The following BID variants were observed in gnomAD, a reference collection of about 807,000 sequenced individuals.
BID encodes the protein BH3 interacting domain death agonist.
A neutral mutation model predicts 17.4 loss-of-function variants in BID; 19 were observed. The ratio of observed to expected loss-of-function variants is 1.09; its 90% CI spans 0.76 to 1.60. The LOEUF is 1.60. Ranked by LOEUF, BID falls within the 40% of genes most tolerant of loss-of-function variation. The pLI is 0.00. For synonymous variants in BID, 108 were observed against 102.8 expected, an observed-to-expected ratio of 1.05 and a Z score of -0.31; for missense variants, 226 against 256.0, an observed-to-expected ratio of 0.88 and a Z score of 0.80.
chr22:17,757,402 CAAAAAAA>C (rs34545330), intron 1 of BID, among the ~76,000 whole-genome samples: 15 of 61,030 alleles, frequency 2.5e-4, no homozygotes, highest in African/African-American at 3.0e-4. Flanking sequence ...GACCCTGTCC[CAAAAAAA>C]AAAAAAAAAA....
chr22:17,754,230 T>TTCCCCCAGTCTCCAGGACTCTGCCGGAG (rs2061564879), intron 1 of BID, among the ~76,000 whole-genome samples: 2 of 145,748 alleles, frequency 1.4e-5, no homozygotes, highest in African/African-American at 5.1e-5. Flanking sequence ...CTCTGCCGGA[T>TTCCCCCAGTCTCCAGGACTCTGCCGGAG]GGGGGTGACA....
intron 1 of BID, among the ~76,000 whole-genome samples, chr22:17,750,696 C>G (rs905192594): frequency 2.0e-5 from 3 of 151,868 alleles, no homozygotes; most frequent in Non-Finnish European, 4.4e-5. Flanking sequence ...GGCGTGGTGG[C>G]GGGCGCCTGT....
chr22:17,756,952 A>C (rs1454379809), intron 1 of BID, among the ~76,000 whole-genome samples: 1 of 102,302 alleles, frequency 9.8e-6, no homozygotes, highest in Admixed American at 9.2e-5. Flanking sequence ...AGTTCAATTT[A>C]ACTAAGCCTC....
Position 17,734,851 on chromosome 22 carries a change from T to C in BID, c.*729A>G, listed in dbSNP as rs1555902074. The C allele has an allele frequency of 6.6e-6, 1 of 152,244 alleles. No individual in the cohort carries two copies. The highest frequency in any genetic ancestry group is 1.5e-5 in the Non-Finnish European group (1 of 68,048). 9.4% of individuals were successfully genotyped at this position (152,244 alleles called of 1,614,324 possible). A position where few individuals can be genotyped will look rare whatever the true frequency, so the allele number is the denominator to read the frequency against. ...GTATGCAGTTAGTTACCTGATTTTG[T>C]AAACAAACAGTGGCTGACCTGGGCC... On this transcript the variant is annotated 3_prime_UTR_variant, in exon 6 of 6. Transcript: ENST00000622694.
chr22:17,735,932 A>G (rs1051415014), intron 5 of BID, among the ~76,000 whole-genome samples: 6 of 152,018 alleles, frequency 3.9e-5, no homozygotes, highest in Non-Finnish European at 8.8e-5. Context: ...CCCCCTTTAC[A>G]TGGGTGTTGG....
At position 17,772,329 on chromosome 22, in the gene BID, G is replaced by A. The variant is rs545484623; in HGVS notation, c.-59+2052C>T. 5.8e-4 allele frequency among the ~76,000 whole-genome samples: 88 copies of A among 152,366 alleles called. 1 individual carries two copies. The highest frequency in any genetic ancestry group is 2.1e-3 in the South Asian group (10 of 4,830). ...TTAGGCCCTGTGAGTGGGAGGCCCTGTGGGGTGGGCAGGGGCAGACGCCCA... is the reference window on the plus strand; with the variant it reads ...TTAGGCCCTGTGAGTGGGAGGCCCTATGGGGTGGGCAGGGGCAGACGCCCA... On this transcript the variant is annotated intron_variant, in intron 1 of 5. Coordinates refer to ENST00000622694, the MANE Select transcript of BID (RefSeq NM_001196.4).
intron 2 of BID, among the ~76,000 whole-genome samples, chr22:17,748,511 A>AAAAAAT (rs757622403): frequency 2.6e-5 from 4 of 152,184 alleles, no homozygotes; most frequent in African/African-American, 7.2e-5. Context: ...ATCTCAAAAA[A>AAAAAAT]AAAAATAAAA....
At chr22:17,766,742 AC>A (rs943312468) in intron 1 of BID, among the ~76,000 whole-genome samples, 4 of 151,508 alleles carry the variant, frequency 2.6e-5, no homozygotes, top group African/African-American at 7.3e-5. Context: ...GGCGTCTGCC[AC>A]CACGCCCGGC....
At chr22:17,739,243 C>CA in intron 4 of BID, 106 bp downstream of exon 4, 1 of 1,383,206 alleles carries the variant, frequency 7.2e-7, no homozygotes, top group Non-Finnish European at 9.5e-7. Context: ...ACCTGACAGT[C>CA]ACGAGTTGAG....
intron 1 of BID, among the ~76,000 whole-genome samples, chr22:17,772,184 G>A (rs1002502913): frequency 2.0e-5 from 3 of 152,238 alleles, no homozygotes; most frequent in Admixed American, 1.3e-4. Flanking sequence ...ACAGGTGCTT[G>A]TCTCTGTCCT....
At position 17,769,065 on chromosome 22, in the gene BID, ATAAATAAATAAT is replaced by A. The variant is rs1460887166; in HGVS notation, c.-59+5304_-59+5315del. ...CAAAAATAAATAAATAAATAAATAA[ATAAATAAATAAT>A]AACTAAATAAATAAAGAACAAGGCT... On this transcript the variant is annotated intron_variant, in intron 1 of 5. Coordinates refer to ENST00000622694, the MANE Select transcript of BID (RefSeq NM_001196.4). The surrounding 1 kb of genome is among the most constrained non-coding windows in gnomAD (Gnocchi z 4.8). Among the ~76,000 whole-genome samples the A allele has an allele frequency of 1.3e-5, 2 of 151,742 alleles. No individual in the cohort carries two copies. The highest frequency in any genetic ancestry group is 4.8e-5 in the African/African-American group (2 of 41,370).
At chr22:17,762,001 C>T (rs997669122) in intron 1 of BID, among the ~76,000 whole-genome samples, 3 of 152,036 alleles carry the variant, frequency 2.0e-5, no homozygotes, top group African/African-American at 4.8e-5. Flanking sequence ...TTCAGAGAAT[C>T]TGTGAGGTTG....
chr22:17,742,775 T>C (rs2061469768), intron 3 of BID, among the ~76,000 whole-genome samples: 1 of 152,242 alleles, frequency 6.6e-6, no homozygotes, highest in African/African-American at 2.4e-5. Flanking sequence ...AAAAGGTTTC[T>C]CGTGTAATTC....
chr22:17,764,830 TG>T (rs1349864862), intron 1 of BID, among the ~76,000 whole-genome samples: 2 of 152,174 alleles, frequency 1.3e-5, no homozygotes. Flanking sequence ...CCATGGGGAA[TG>T]GAACTTTCAT....
At chr22:17,756,410 C>CTCTT (rs201125463) in intron 1 of BID, among the ~76,000 whole-genome samples, 5 of 40,494 alleles carry the variant, frequency 1.2e-4, no homozygotes, top group Middle Eastern at 0.014. Flanking sequence ...TTTCTTTTTT[C>CTCTT]TCTTTCTTTC....
intron 1 of BID, among the ~76,000 whole-genome samples, chr22:17,752,945 A>C (rs7285072): frequency 7.8e-6 from 1 of 128,142 alleles, no homozygotes; most frequent in Non-Finnish European, 1.6e-5. Context: ...GATTACAGGC[A>C]TGAGCCACCG....
intron 3 of BID, among the ~76,000 whole-genome samples, chr22:17,741,455 A>G (rs960637917): frequency 2.0e-5 from 3 of 150,914 alleles, no homozygotes; most frequent in African/African-American, 4.9e-5. Context: ...GGCAAACTCA[A>G]CTACTCACTG....
intron 3 of BID, chr22:17,739,922 C>T: frequency 1.3e-6 from 1 of 747,122 alleles, no homozygotes; most frequent in South Asian, 1.7e-5. Flanking sequence ...AGCCTGAGAG[C>T]CCCCATTCCT....
chr22:17,747,709 G>GT (rs2061504036), intron 2 of BID, among the ~76,000 whole-genome samples: 1 of 152,244 alleles, frequency 6.6e-6, no homozygotes, highest in Non-Finnish European at 1.5e-5. Flanking sequence ...GATCAAGACA[G>GT]TAAATCCTGC....
Sources: allele counts gnomAD v4.1 joint callset (sites outside exome capture counted in the v4.1 genomes callset), GRCh38; gene constraint gnomAD v4.1.1; non-coding constraint Gnocchi (gnomAD v3.1); transcripts MANE v1.5; gene names NCBI Gene and HGNC (gene_info 2026-07-23, HGNC 2026-07-21).